The following SMPX variants were observed in gnomAD, a reference collection of about 807,000 sequenced individuals.
SMPX encodes small muscle protein X-linked.
A neutral mutation model predicts 6.3 loss-of-function variants in SMPX; 2 were observed. The ratio of observed to expected loss-of-function variants is 0.32; its 90% CI spans 0.13 to 0.99. SMPX has a LOEUF of 0.99. Among genes scored for constraint, SMPX ranks in the 50% least tolerant of loss-of-function variants. The probability of loss-of-function intolerance (pLI) is 0.49; values close to 1 mark genes in which losing one functional copy is unlikely to be tolerated. For synonymous variants in SMPX, 32 were observed against 24.7 expected (o/e 1.30, Z -0.88); for missense variants, 60 against 66.8 (o/e 0.90, Z 0.36).
At chrX:21,731,198 T>C (rs1360243342) in intron 4 of SMPX, among the ~76,000 whole-genome samples, 4 of 109,854 alleles carry the variant, frequency 3.6e-5, no homozygotes, top group African/African-American at 6.6e-5. Context: ...CCTTCTGTTA[T>C]TGATTTCTAA....
At chrX:21,718,080 T>C (rs2092787291) in intron 4 of SMPX, among the ~76,000 whole-genome samples, 1 of 112,035 alleles carries the variant, frequency 8.9e-6, no homozygotes, top group African/African-American at 3.3e-5. Flanking sequence ...AGTGACCCGA[T>C]CCATTTTGTG....
chrX:21,710,724 G>C (rs1569302963), intron 4 of SMPX, among the ~76,000 whole-genome samples: 1 of 111,340 alleles, frequency 9.0e-6, no homozygotes, highest in African/African-American at 3.3e-5. Flanking sequence ...AGCCAAGGGA[G>C]GCCTGAATAC....
At chrX:21,712,314 C>T (rs752311552) in intron 4 of SMPX, among the ~76,000 whole-genome samples, 12 of 112,023 alleles carry the variant, frequency 1.1e-4, no homozygotes, top group Non-Finnish European at 2.1e-4. Flanking sequence ...AAGAGGAAGA[C>T]ATAAAGACCA....
At chrX:21,741,367 C>T (rs747327345) in intron 3 of SMPX, among the ~76,000 whole-genome samples, 3 of 112,116 alleles carry the variant, frequency 2.7e-5, no homozygotes, top group Non-Finnish European at 5.6e-5. Context: ...CAAAATTAAG[C>T]AATTCCAAGT....
intron 4 of SMPX, among the ~76,000 whole-genome samples, chrX:21,736,868 A>G (rs765501455): frequency 9.9e-5 from 11 of 111,543 alleles, no homozygotes; most frequent in African/African-American, 3.6e-4. Context: ...CAGAATTCCC[A>G]TACCAGTCCA....
intron 4 of SMPX, among the ~76,000 whole-genome samples, chrX:21,712,058 A>G (rs189074843): frequency 1.8e-5 from 2 of 112,360 alleles, no homozygotes; most frequent in African/African-American, 6.5e-5. Context: ...AAGGAACAAC[A>G]CACACCCAAG....
intron 4 of SMPX, among the ~76,000 whole-genome samples, chrX:21,719,311 G>A (rs2092788814): frequency 9.0e-6 from 1 of 111,440 alleles, no homozygotes; most frequent in Non-Finnish European, 1.9e-5. Flanking sequence ...CTGAGGCCAG[G>A]AGTTCGAGAC....
At chrX:21,710,855 A>G (rs2092777949) in intron 4 of SMPX, among the ~76,000 whole-genome samples, 1 of 111,813 alleles carries the variant, frequency 8.9e-6, no homozygotes, top group Admixed American at 9.5e-5. Flanking sequence ...AACTCCACCA[A>G]CTGATTACAC....
At chrX:21,730,644 AC>A (rs1364148408) in intron 4 of SMPX, among the ~76,000 whole-genome samples, 1 of 111,829 alleles carries the variant, frequency 8.9e-6, no homozygotes, top group Admixed American at 9.5e-5. Context: ...AGTCTTCACA[AC>A]CCCAGATCAA....
At chrX:21,717,257 A>G (rs1164559694) in intron 4 of SMPX, among the ~76,000 whole-genome samples, 2 of 111,562 alleles carry the variant, frequency 1.8e-5, no homozygotes, top group Non-Finnish European at 1.9e-5. Context: ...ATGAGATCTG[A>G]TAGTTTTATA....
chrX:21,737,103 G>A lies in SMPX; in HGVS notation c.*14+446C>T, dbSNP rs753358005. On this transcript the variant is annotated intron_variant, in intron 4 of 4. Transcript: ENST00000379494. ...CTTGATTAAAGGACTGAACTCCTGG[G>A]TCTCTGCCTCTTTATACTCCCAAAC... Among the ~76,000 whole-genome samples the A allele has an allele frequency of 2.7e-5, 3 of 111,177 alleles. No homozygotes were observed. In the South Asian group the frequency reaches 1.2e-3, roughly 43 times the overall value.
intron 4 of SMPX, among the ~76,000 whole-genome samples, chrX:21,728,739 C>T (rs1423102159): frequency 8.9e-6 from 1 of 112,495 alleles, no homozygotes; most frequent in African/African-American, 3.2e-5. Context: ...TTGCACCTCA[C>T]CTCTGTGACT....
intron 4 of SMPX, among the ~76,000 whole-genome samples, chrX:21,717,691 C>A (rs2092786772): frequency 8.9e-6 from 1 of 112,263 alleles, no homozygotes; most frequent in Non-Finnish European, 1.9e-5. Context: ...ACAGAATAAA[C>A]AATGGCAATC....
intron 4 of SMPX, among the ~76,000 whole-genome samples, chrX:21,726,094 A>G (rs1387622835): frequency 8.9e-6 from 1 of 111,836 alleles, no homozygotes; most frequent in African/African-American, 3.3e-5. Flanking sequence ...CTATTTATAG[A>G]TGTGGCTCAG....
At chrX:21,736,203 A>C (rs1192856099) in intron 4 of SMPX, among the ~76,000 whole-genome samples, 1 of 112,406 alleles carries the variant, frequency 8.9e-6, no homozygotes, top group Non-Finnish European at 1.9e-5. Context: ...AACACAAATA[A>C]CACTGCCACA....
intron 2 of SMPX, among the ~76,000 whole-genome samples, chrX:21,749,889 G>A (rs950905835): frequency 8.9e-5 from 10 of 112,193 alleles, no homozygotes; most frequent in South Asian, 3.7e-4. Context: ...AATTTACGTC[G>A]TAGAGCTAAG....
At chrX:21,718,738 G>T (rs1207331425) in intron 4 of SMPX, among the ~76,000 whole-genome samples, 1 of 111,913 alleles carries the variant, frequency 8.9e-6, no homozygotes, top group African/African-American at 3.3e-5. Flanking sequence ...GCTATAAATG[G>T]AACTGAGGAG....
At chrX:21,733,539 G>T (rs140950386) in intron 4 of SMPX, 1 of 247,305 alleles carries the variant, frequency 4.0e-6, no homozygotes, top group African/African-American at 2.9e-5. Context: ...AGACAGAAGG[G>T]ATTCTTGAAA....
chrX:21,747,730 T>A (rs1602111406), intron 2 of SMPX, among the ~76,000 whole-genome samples: 1 of 111,424 alleles, frequency 9.0e-6, no homozygotes, highest in South Asian at 3.8e-4. Flanking sequence ...CCCCCTCCCT[T>A]TTCGTCCGCA....
Sources: allele counts gnomAD v4.1 joint callset (sites outside exome capture counted in the v4.1 genomes callset), GRCh38; gene constraint gnomAD v4.1.1; transcripts MANE v1.5; gene names NCBI Gene and HGNC (gene_info 2026-07-23, HGNC 2026-07-21).